Variants in DAB1 observed in about 807,000 individuals in gnomAD.
The protein encoded by DAB1 is disabled homolog 1.
Under a neutral mutation model 64.6 loss-of-function variants are expected in DAB1, and 15 were observed. That is an observed-to-expected ratio of 0.23 (90% CI 0.16 to 0.36). The LOEUF (loss-of-function observed/expected upper bound fraction) is 0.36, where lower values mean the gene tolerates loss of function less well. Ranked by LOEUF, DAB1 falls within the 10% of genes least tolerant of loss-of-function variation. The probability of loss-of-function intolerance (pLI) is 1.00; values close to 1 mark genes in which losing one functional copy is unlikely to be tolerated. For synonymous variants in DAB1, 235 were observed against 251.9 expected (o/e 0.93, Z 0.64); for missense variants, 596 against 706.7 (o/e 0.84, Z 1.78).
At position 57,198,689 on chromosome 1, in the gene DAB1, A is replaced by ACCCC. The variant is rs1553155121; in HGVS notation, c.68-53261_68-53260insGGGG. Among the ~76,000 whole-genome samples, 54 of 148,240 alleles carry ACCCC rather than the reference A, an allele frequency of 3.6e-4. 1 individual carries two copies. The highest frequency in any genetic ancestry group is 1.2e-3 in the African/African-American group (47 of 40,122). On this transcript the variant is annotated intron_variant, in intron 2 of 14. Coordinates refer to ENST00000371236, the MANE Select transcript of DAB1 (RefSeq NM_001365792.1). ...CACACACACACACACACACACACAC[A>ACCCC]CCCATCAACTTTTCCTGGGAGAGTA...
At chr1:58,406,561 T>G (rs1347963685) in intron 3 of DAB1, among the ~76,000 whole-genome samples, 1 of 152,180 alleles carries the variant, frequency 6.6e-6, no homozygotes, top group Non-Finnish European at 1.5e-5. Context: ...GATGGGATAA[T>G]TGCACTAGAA....
At chr1:58,540,138 C>T (rs889043816) in intron 1 of DAB1, among the ~76,000 whole-genome samples, 2 of 152,074 alleles carry the variant, frequency 1.3e-5, no homozygotes, top group African/African-American at 4.8e-5. Flanking sequence ...CCTTATCATT[C>T]GTGGGTAGAG....
intron 1 of DAB1, among the ~76,000 whole-genome samples, chr1:57,400,057 G>A (rs1053894835): frequency 1.3e-5 from 2 of 152,174 alleles, no homozygotes; most frequent in African/African-American, 4.8e-5. Context: ...TGGATTTGGA[G>A]ATAAGAGGGC....
At chr1:58,363,381 T>G (rs1248918167) in intron 3 of DAB1, among the ~76,000 whole-genome samples, 1 of 152,202 alleles carries the variant, frequency 6.6e-6, no homozygotes, top group African/African-American at 2.4e-5. Flanking sequence ...TATCCTCTGA[T>G]AGGCTAAGAA....
intron 2 of DAB1, among the ~76,000 whole-genome samples, chr1:57,259,729 T>C (rs2100551388): frequency 6.6e-6 from 1 of 152,232 alleles, no homozygotes; most frequent in Admixed American, 6.5e-5. Flanking sequence ...ATTCATCAGT[T>C]TTAAGAGGAA....
chr1:58,051,012 G>C (rs1293792149), intron 5 of DAB1, among the ~76,000 whole-genome samples: 1 of 152,074 alleles, frequency 6.6e-6, no homozygotes, highest in Admixed American at 6.6e-5. Context: ...TGCTATAAAG[G>C]ACGACTTGAG....
intron 3 of DAB1, among the ~76,000 whole-genome samples, chr1:58,350,956 A>G (rs1037884553): frequency 3.9e-5 from 6 of 152,154 alleles, no homozygotes; most frequent in African/African-American, 1.4e-4. Flanking sequence ...TTTTGGTTCC[A>G]TATGAAATTT....
At chr1:57,134,815 G>A (rs886182291) in intron 4 of DAB1, among the ~76,000 whole-genome samples, 1 of 152,134 alleles carries the variant, frequency 6.6e-6, no homozygotes, top group African/African-American at 2.4e-5. Context: ...CTGCCAGCAA[G>A]TTATGTAAAC....
intron 1 of DAB1, among the ~76,000 whole-genome samples, chr1:58,532,597 G>A (rs1646451305): frequency 1.3e-5 from 2 of 152,122 alleles, no homozygotes; most frequent in East Asian, 3.8e-4. Context: ...GTGCGATCAT[G>A]GCTCACTGTA....
intron 5 of DAB1, among the ~76,000 whole-genome samples, chr1:58,068,196 G>C (rs765220020): frequency 1.8e-4 from 27 of 152,222 alleles, no homozygotes; most frequent in Non-Finnish European, 3.8e-4. Context: ...CTGGCACATA[G>C]AGGCTGGCAG....
chr1:57,995,005 C>T (rs1337091960), intron 5 of DAB1, among the ~76,000 whole-genome samples: 1 of 152,150 alleles, frequency 6.6e-6, no homozygotes, highest in Non-Finnish European at 1.5e-5. Flanking sequence ...GCCGAAAGAA[C>T]ACTGACGGTT....
At chr1:58,177,101 T>A (rs75095363) in intron 4 of DAB1, among the ~76,000 whole-genome samples, 166 of 152,268 alleles carry the variant, frequency 1.1e-3, no homozygotes, top group African/African-American at 3.9e-3. Context: ...TTAATTGTAT[T>A]TTACAGAAGA....
At chr1:57,389,513 C>A (rs1400826015) in intron 1 of DAB1, among the ~76,000 whole-genome samples, 2 of 152,162 alleles carry the variant, frequency 1.3e-5, no homozygotes, top group African/African-American at 4.8e-5. Flanking sequence ...GTGGCCCTGC[C>A]TCAAATATGA....
Position 58,230,883 on chromosome 1 carries a change from A to C in DAB1, n.310-80295T>G, listed in dbSNP as rs548755897. Among the ~76,000 whole-genome samples the C allele has an allele frequency of 4.6e-5, 7 of 152,344 alleles. No individual in the cohort carries two copies. In the South Asian group the frequency reaches 1.4e-3, roughly 32 times the overall value. ...TAGGAATTACAGCACCATGGTTGGC[A>C]GTATGGCATGATGGTTAAGGCCGTG... On this transcript the variant is annotated intron_variant and non_coding_transcript_variant, in intron 4 of 20. Coordinates refer to the DAB1 transcript ENST00000485760.
At chr1:57,484,586 A>C (rs888404490) in intron 7 of DAB1, among the ~76,000 whole-genome samples, 1 of 152,224 alleles carries the variant, frequency 6.6e-6, no homozygotes, top group Non-Finnish European at 1.5e-5. Context: ...GAAGAACACC[A>C]AAGAGCTCTG....
intron 9 of DAB1, among the ~76,000 whole-genome samples, chr1:57,035,626 C>T (rs1647116368): frequency 6.6e-6 from 1 of 152,044 alleles, no homozygotes; most frequent in Non-Finnish European, 1.5e-5. Context: ...GATGTGCTGG[C>T]CATGTAACCC....
At chr1:58,094,871 T>C (rs1650888246) in intron 5 of DAB1, among the ~76,000 whole-genome samples, 2 of 152,242 alleles carry the variant, frequency 1.3e-5, no homozygotes, top group Non-Finnish European at 2.9e-5. Flanking sequence ...ATGTTGTATT[T>C]CTATCACTCC....
At chr1:58,280,013 C>A (rs1661521132) in intron 4 of DAB1, among the ~76,000 whole-genome samples, 2 of 152,068 alleles carry the variant, frequency 1.3e-5, no homozygotes, top group Non-Finnish European at 2.9e-5. Context: ...CATCTGCACA[C>A]CCTGAGTGGG....
At chr1:57,421,841 T>G (rs1684911954) in intron 1 of DAB1, among the ~76,000 whole-genome samples, 1 of 141,278 alleles carries the variant, frequency 7.1e-6, no homozygotes, top group Non-Finnish European at 1.5e-5. Flanking sequence ...TTGATCACTT[T>G]CAGTTCCCAG....
Sources: allele counts gnomAD v4.1 joint callset (sites outside exome capture counted in the v4.1 genomes callset), GRCh38; gene constraint gnomAD v4.1.1; transcripts MANE v1.5; gene names NCBI Gene and HGNC (gene_info 2026-07-23, HGNC 2026-07-21).